The following CCDC192 variants were observed in gnomAD, a reference collection of about 807,000 sequenced individuals.
CCDC192 encodes the protein coiled-coil domain-containing protein 192.
chr5:127,850,679 C>T (rs573496758), intron 5 of CCDC192, among the ~76,000 whole-genome samples: 1 of 152,078 alleles, frequency 6.6e-6, no homozygotes, highest in South Asian at 2.1e-4. Flanking sequence ...TCCAAAGCAG[C>T]AGAGGGCCAG....
intron 3 of CCDC192, among the ~76,000 whole-genome samples, chr5:127,777,970 C>G (rs1009754888): frequency 6.6e-6 from 1 of 151,520 alleles, no homozygotes; most frequent in African/African-American, 2.4e-5. Context: ...CTAATAAAAT[C>G]TTATACTCTG....
intron 3 of CCDC192, among the ~76,000 whole-genome samples, chr5:127,789,807 AT>A (rs1486220378): frequency 6.6e-6 from 1 of 152,226 alleles, no homozygotes; most frequent in Non-Finnish European, 1.5e-5. Context: ...CAGTTCAGAG[AT>A]TATCAGGGAC....
At chr5:127,908,474 A>C (rs2127174047) in intron 6 of CCDC192, among the ~76,000 whole-genome samples, 1 of 152,326 alleles carries the variant, frequency 6.6e-6, no homozygotes, top group South Asian at 2.1e-4. Flanking sequence ...TTACTTTCCC[A>C]AAACAGAATA....
At chr5:127,905,370 T>C (rs1322507648) in intron 6 of CCDC192, among the ~76,000 whole-genome samples, 3 of 152,276 alleles carry the variant, frequency 2.0e-5, no homozygotes, top group East Asian at 3.9e-4. Context: ...CTTGGAAAAA[T>C]ATTGAATATT....
Position 127,730,711 on chromosome 5 carries a change from A to G in CCDC192, c.114+22951A>G, listed in dbSNP as rs917481096. ...CATCCCCAGGATGAAGCCTGGTTCAACATATGCAAATCAATAAATGTAATT... is the reference window on the plus strand; with the variant it reads ...CATCCCCAGGATGAAGCCTGGTTCAGCATATGCAAATCAATAAATGTAATT... On this transcript the variant is annotated intron_variant, in intron 2 of 6. Transcript: ENST00000514853. Among the ~76,000 whole-genome samples the G allele has an allele frequency of 3.9e-5, 6 of 152,338 alleles. No individual in the cohort carries two copies. In the East Asian group the frequency reaches 1.2e-3, roughly 29 times the overall value.
At chr5:127,907,419 A>G (rs1226128539) in intron 6 of CCDC192, among the ~76,000 whole-genome samples, 1 of 152,208 alleles carries the variant, frequency 6.6e-6, no homozygotes, top group East Asian at 1.9e-4. Flanking sequence ...GCATATTACA[A>G]TTCTTCAGTT....
At chr5:127,712,324 G>A (rs1162880347) in intron 2 of CCDC192, among the ~76,000 whole-genome samples, 1 of 152,164 alleles carries the variant, frequency 6.6e-6, no homozygotes, top group African/African-American at 2.4e-5. Context: ...TCTAATGGGA[G>A]GTGTTTGGGT....
intron 6 of CCDC192, among the ~76,000 whole-genome samples, chr5:127,939,527 A>G (rs1428467507): frequency 6.6e-6 from 1 of 152,160 alleles, no homozygotes; most frequent in Non-Finnish European, 1.5e-5. Context: ...AATAATTTCT[A>G]AGAGCAGAGA....
intron 6 of CCDC192, among the ~76,000 whole-genome samples, chr5:127,912,252 A>G (rs1158194692): frequency 6.6e-6 from 1 of 151,928 alleles, no homozygotes; most frequent in Non-Finnish European, 1.5e-5. Flanking sequence ...TTGTCAGGAA[A>G]CAAGGAAACA....
At chr5:127,761,899 C>A (rs1754953415) in intron 3 of CCDC192, among the ~76,000 whole-genome samples, 1 of 152,112 alleles carries the variant, frequency 6.6e-6, no homozygotes, top group Admixed American at 6.5e-5. Context: ...ACAAAACTCC[C>A]ATTATTTCTC....
intron 1 of CCDC192, among the ~76,000 whole-genome samples, chr5:127,704,507 A>G (rs1254512248): frequency 6.6e-6 from 1 of 152,118 alleles, no homozygotes. Context: ...AAGTTTTAAA[A>G]TGTATTTTCC....
chr5:127,928,797 G>T (rs886314295), intron 6 of CCDC192, among the ~76,000 whole-genome samples: 2 of 150,448 alleles, frequency 1.3e-5, no homozygotes, highest in Admixed American at 6.6e-5. Context: ...ACGGAGTCTC[G>T]CTCTGTTGCC....
chr5:127,880,047 A>T (rs1045494202), intron 6 of CCDC192, among the ~76,000 whole-genome samples: 2 of 152,216 alleles, frequency 1.3e-5, no homozygotes, highest in African/African-American at 4.8e-5. Context: ...TCAGGGATCT[A>T]GAACTGGAAA....
rs1418611312 is a variant in CCDC192 at position 127,750,222 on chromosome 5, A to G, written c.115-4046A>G. ...TGTGATGTTAGGGTGTCAATTTTGC[A>G]TCTTTCCTGCTTTCTCTTGTGGGCA... On this transcript the variant is annotated intron_variant, in intron 2 of 6. Coordinates refer to ENST00000514853, the MANE Select transcript of CCDC192 (RefSeq NM_001317938.2). 1.1e-4 allele frequency among the ~76,000 whole-genome samples: 17 copies of G among 152,134 alleles called. No individual in the cohort carries two copies. The East Asian group carries it at 3.3e-3, about 29-fold the overall frequency.
chr5:127,820,347 C>T (rs561670464), intron 5 of CCDC192, among the ~76,000 whole-genome samples: 5 of 152,246 alleles, frequency 3.3e-5, no homozygotes, highest in East Asian at 3.9e-4. Context: ...TTTGGGAGGC[C>T]GAGGCGGGTG....
intron 5 of CCDC192, among the ~76,000 whole-genome samples, chr5:127,850,024 G>T (rs1201491620): frequency 6.6e-6 from 1 of 152,202 alleles, no homozygotes; most frequent in Non-Finnish European, 1.5e-5. Context: ...TCTGCTAACT[G>T]ACTGTAAAGC....
chr5:127,886,540 C>T (rs918308627), intron 6 of CCDC192, among the ~76,000 whole-genome samples: 3 of 152,200 alleles, frequency 2.0e-5, no homozygotes, highest in African/African-American at 7.2e-5. Context: ...ATCCATTTAT[C>T]TACTTAATGG....
intron 5 of CCDC192, among the ~76,000 whole-genome samples, chr5:127,854,375 G>A (rs1431713128): frequency 1.3e-5 from 2 of 152,140 alleles, no homozygotes; most frequent in South Asian, 2.1e-4. Context: ...GTTACCCACA[G>A]TAGAGTACAA....
intron 2 of CCDC192, among the ~76,000 whole-genome samples, chr5:127,738,755 T>C (rs912934351): frequency 2.6e-5 from 4 of 152,258 alleles, no homozygotes; most frequent in Admixed American, 6.5e-5. Flanking sequence ...CGTCACGTAG[T>C]TCTCGAGCCT....
Sources: allele counts gnomAD v4.1 joint callset (sites outside exome capture counted in the v4.1 genomes callset), GRCh38; gene constraint gnomAD v4.1.1; transcripts MANE v1.5; gene names NCBI Gene and HGNC (gene_info 2026-07-23, HGNC 2026-07-21).